Variants in FSHR observed in about 807,000 individuals in gnomAD.
The protein encoded by FSHR is follicle stimulating hormone receptor.
FSHR carries 46 observed loss-of-function variants against 52.1 expected under a neutral mutation model. That is an observed-to-expected ratio of 0.88 (90% confidence interval 0.70 to 1.13). FSHR has a LOEUF of 1.13. FSHR is among the 50% of genes most tolerant of loss of function. FSHR has a pLI of 0.00. For synonymous variants in FSHR, 399 were observed against 309.6 expected, an observed-to-expected ratio of 1.29 and a Z score of -3.03; for missense variants, 964 against 834.6, an observed-to-expected ratio of 1.16 and a Z score of -1.91.
chr2:49,075,350 G>C (rs1669910735), intron 1 of FSHR, among the ~76,000 whole-genome samples: 1 of 151,988 alleles, frequency 6.6e-6, no homozygotes, highest in African/African-American at 2.4e-5. Context: ...ATATCACATT[G>C]CAAGATTTAA....
At chr2:49,131,196 T>C (rs1323363108) in intron 1 of FSHR, among the ~76,000 whole-genome samples, 1 of 152,236 alleles carries the variant, frequency 6.6e-6, no homozygotes, top group Non-Finnish European at 1.5e-5. Flanking sequence ...CTCAGTCCTT[T>C]ATTCATTTGC....
intron 4 of FSHR, among the ~76,000 whole-genome samples, chr2:49,013,934 C>G (rs1045605751): frequency 4.6e-5 from 7 of 151,944 alleles, no homozygotes; most frequent in African/African-American, 7.3e-5. Flanking sequence ...GACATGGGAT[C>G]TCTCTTTCTC....
At chr2:49,127,881 TTCTTCTTCTTCTTCTTC>T (rs1558457014) in intron 1 of FSHR, among the ~76,000 whole-genome samples, 2,202 of 47,934 alleles carry the variant, frequency 0.046, 220 homozygotes, top group South Asian at 0.076. Flanking sequence ...CTTCTTCTTC[TTCTTCTTCTTCTTCTTC>T]TTTTTTTTTT....
chr2:49,150,113 G>A (rs1673009713), intron 1 of FSHR, among the ~76,000 whole-genome samples: 2 of 152,096 alleles, frequency 1.3e-5, no homozygotes, highest in African/African-American at 2.4e-5. Flanking sequence ...CACTTTTCTA[G>A]ATCCACTGAC....
chr2:49,124,673 C>A (rs925603881), intron 1 of FSHR, among the ~76,000 whole-genome samples: 1 of 152,098 alleles, frequency 6.6e-6, no homozygotes, highest in Non-Finnish European at 1.5e-5. Flanking sequence ...GCCCAGAATC[C>A]GACCCCTTCT....
At chr2:49,033,725 G>GA (rs1265722650) in intron 2 of FSHR, among the ~76,000 whole-genome samples, 3 of 151,802 alleles carry the variant, frequency 2.0e-5, no homozygotes, top group Non-Finnish European at 2.9e-5. Flanking sequence ...TCTGCTGTAA[G>GA]AAAAAAAATC....
chr2:48,965,888 T>G (rs771103904), intron 9 of FSHR, among the ~76,000 whole-genome samples: 4 of 152,214 alleles, frequency 2.6e-5, no homozygotes, highest in Non-Finnish European at 5.9e-5. Context: ...CGCAGTACTT[T>G]GGAAAATCCT....
intron 4 of FSHR, among the ~76,000 whole-genome samples, chr2:48,998,661 G>A (rs551918804): frequency 6.6e-6 from 1 of 151,936 alleles, no homozygotes; most frequent in Admixed American, 6.6e-5. Flanking sequence ...AGCGACTATA[G>A]GTATGGAGCT....
intron 2 of FSHR, among the ~76,000 whole-genome samples, chr2:49,032,227 C>T (rs151178990): frequency 2.4e-4 from 36 of 152,294 alleles, no homozygotes; most frequent in African/African-American, 8.2e-4. Context: ...GTTTGTCTAT[C>T]ACATTGCTTT....
rs183931186 is a variant in FSHR, at chr2:49,020,072, A to G, written c.299+14T>C. On this transcript the variant is annotated intron_variant, in intron 3 of 9. Coordinates refer to ENST00000406846, the MANE Select transcript of FSHR (RefSeq NM_000145.4). ...AGAATGGCCATGAGCAAATCCCCCA[A>G]TCTTCTTGCTTACATTTCATGTAAT... 18 of 1,610,668 alleles carry G rather than the reference A, an allele frequency of 1.1e-5. No individual in the cohort carries two copies. The highest frequency in any genetic ancestry group is 1.7e-4 in the Middle Eastern group (1 of 6,052).
rs573737128 is a variant in FSHR, at chr2:49,150,765, G to A, written c.152+3501C>T. 9.2e-5 allele frequency among the ~76,000 whole-genome samples: 14 copies of A among 152,040 alleles called. No homozygotes were observed. In the South Asian group the frequency reaches 1.9e-3, roughly 20 times the overall value. On this transcript the variant is annotated intron_variant, in intron 1 of 9. Coordinates refer to ENST00000406846, the MANE Select transcript of FSHR (RefSeq NM_000145.4). ...TCTCCATGGTGCCATGGTGCCTCAG[G>A]CTGCCTAAACCCCACTCAAACTAGT...
At chr2:49,043,732 G>A (rs1281223308) in intron 2 of FSHR, among the ~76,000 whole-genome samples, 1 of 152,180 alleles carries the variant, frequency 6.6e-6, no homozygotes, top group East Asian at 1.9e-4. Context: ...TTCTATTCCT[G>A]TTTGAACATT....
chr2:49,117,393 A>G (rs1671641822), intron 1 of FSHR, among the ~76,000 whole-genome samples: 1 of 152,216 alleles, frequency 6.6e-6, no homozygotes, highest in South Asian at 2.1e-4. Flanking sequence ...TGGCTCTACT[A>G]TCAGGATAAT....
Position 48,962,663 on chromosome 2 carries a change from T to A in FSHR, c.*70A>T. 6.8e-7 allele frequency: 1 copy of A among 1,478,152 alleles called. No individual in the cohort carries two copies. Among genetic ancestry groups the A allele is most frequent in the East Asian group, 2.3e-5 (1 of 44,080 alleles). The allele number at this position is 1,478,152 out of a possible 1,614,324, so 91.6% of individuals were successfully genotyped here. ...AAATGTGTAGAAGCACTGTCAGCTC[T>A]TTGTGACATACCCTTCAAAGGCAAG... On this transcript the variant is annotated 3_prime_UTR_variant, in exon 10 of 10. Transcript: ENST00000406846.
intron 4 of FSHR, among the ~76,000 whole-genome samples, chr2:49,009,600 C>T (rs944875888): frequency 4.1e-5 from 6 of 146,386 alleles, no homozygotes; most frequent in African/African-American, 1.5e-4. Context: ...GGCATTGAAT[C>T]TGTAAATTAC....
intron 4 of FSHR, among the ~76,000 whole-genome samples, chr2:49,002,702 G>T (rs1385369498): frequency 6.6e-6 from 1 of 152,032 alleles, no homozygotes; most frequent in Non-Finnish European, 1.5e-5. Context: ...CAACATGTGG[G>T]GATTACAATT....
chr2:49,147,407 A>T (rs1010927923), intron 1 of FSHR, among the ~76,000 whole-genome samples: 6 of 152,070 alleles, frequency 3.9e-5, no homozygotes, highest in African/African-American at 1.2e-4. Context: ...GGAGAAAGAT[A>T]ATCAAAAGTT....
At chr2:48,985,697 G>GT (rs70946839) in intron 6 of FSHR, among the ~76,000 whole-genome samples, 4,562 of 99,574 alleles carry the variant, frequency 0.046, 1,279 homozygotes, top group African/African-American at 0.13. Flanking sequence ...GCAAGTACAG[G>GT]TTTTTTTTTT....
chr2:49,072,186 A>G (rs1256143836), intron 1 of FSHR, among the ~76,000 whole-genome samples: 1 of 152,156 alleles, frequency 6.6e-6, no homozygotes, highest in Admixed American at 6.6e-5. Context: ...CCCAATACAC[A>G]TAGACCCATG....
Sources: gnomAD v4.1 joint callset for allele counts (sites outside exome capture counted in the v4.1 genomes callset) on GRCh38, gnomAD v4.1.1 for gene constraint, MANE v1.5 for transcripts, NCBI Gene and HGNC (gene_info 2026-07-23, HGNC 2026-07-21) for gene names.